NEMP1: variants seen among roughly 807,000 people sequenced by gnomAD.
The protein encoded by NEMP1 is transmembrane protein 194.
Under a neutral mutation model 53.7 loss-of-function variants are expected in NEMP1, and 29 were observed. That is an observed-to-expected ratio of 0.54 (90% CI 0.40 to 0.74). The LOEUF (loss-of-function observed/expected upper bound fraction) is 0.74, where lower values mean the gene tolerates loss of function less well. Ranked by LOEUF, NEMP1 falls within the 30% of genes least tolerant of loss-of-function variation. NEMP1 has a pLI of 0.00. For missense variants in NEMP1, 477 were observed against 528.6 expected (o/e 0.90, Z 0.96); for synonymous variants, 193 against 192.9 (o/e 1.00, Z 0.00).
At position 57,062,651 on chromosome 12, in the gene NEMP1, G is replaced by C. The variant is rs1236337951; in HGVS notation, c.980+468C>G. 3.3e-5 allele frequency among the ~76,000 whole-genome samples: 5 copies of C among 151,928 alleles called. No individual in the cohort carries two copies. The East Asian group carries it at 9.7e-4, about 29-fold the overall frequency. On this transcript the variant is annotated intron_variant, in intron 7 of 8. Coordinates refer to ENST00000300128, the MANE Select transcript of NEMP1 (RefSeq NM_001130963.2). ...CTGACATTTGAGGTCAGGAGTTCAA[G>C]ACCAGCCTGGTCAACATGGGGAACC... is the stretch of plus-strand genomic sequence containing the variant.
rs779985256 is a variant in NEMP1 at position 57,060,808 on chromosome 12, G to A, written c.1118C>T (p.Ala373Val). 1 of 1,613,676 alleles carries A rather than the reference G, an allele frequency of 6.2e-7. No individual in the cohort carries two copies. The highest frequency in any genetic ancestry group is 8.5e-7 in the Non-Finnish European group (1 of 1,179,860). Residue 373 changes from alanine (A) to valine (V), a missense_variant, in exon 8 of 9, where the codon GCT becomes GTT. By Grantham distance (64) the Ala-to-Val change is moderately conservative (BLOSUM62 0). Transcript: ENST00000300128. Reference protein sequence around the residue: ...REFCNSPDCSAWKTVSRIQSP... With the variant: ...REFCNSPDCSVWKTVSRIQSP... ...CTGGATTCGAGAAACAGTCTTCCAA[G>A]CAGAGCAGTCTGGACTGTTACAAAA...
intron 2 of NEMP1, among the ~76,000 whole-genome samples, chr12:57,072,418 C>T (rs1008215931): frequency 6.6e-6 from 1 of 151,506 alleles, no homozygotes; most frequent in Non-Finnish European, 1.5e-5. Flanking sequence ...CCAGCCTGGG[C>T]GACAGAGGGA....
intron 3 of NEMP1, 28 bp from the exon 4 acceptor site, chr12:57,069,334 T>A (rs2032241667): frequency 6.9e-7 from 1 of 1,458,002 alleles, no homozygotes; most frequent in Non-Finnish European, 9.3e-7. Flanking sequence ...TTTTGCTTAA[T>A]AAGGGAACAA....
chr12:57,087,424 C>T (rs1034044463), intron 1 of NEMP1, among the ~76,000 whole-genome samples: 4 of 151,010 alleles, frequency 2.6e-5, no homozygotes, highest in Non-Finnish European at 5.9e-5. Context: ...GGCTGGCAGC[C>T]CGGGATCCAA....
chr12:57,059,855 C>G lies in NEMP1; in HGVS notation c.*24G>C, dbSNP rs771115599. On this transcript the variant is annotated 3_prime_UTR_variant, in exon 9 of 9. Coordinates refer to ENST00000300128, the MANE Select transcript of NEMP1 (RefSeq NM_001130963.2). ...CATGGACCAAGGCACCAAGCCAGTC[C>G]ACGTAAAGATAACTGACCACTACCT... The G allele has an allele frequency of 5.0e-6, 8 of 1,606,428 alleles. No homozygotes were observed. The highest frequency in any genetic ancestry group is 5.1e-6 in the Non-Finnish European group (6 of 1,175,620).
At position 57,056,594 on chromosome 12, in the gene NEMP1, CACTACTCAATT is replaced by C. The variant is rs2031534980; in HGVS notation, c.*3274_*3284del. The C allele has an allele frequency of 6.6e-6, 1 of 152,158 alleles. No homozygotes were observed. Among genetic ancestry groups the C allele is most frequent in the Non-Finnish European group, 1.5e-5 (1 of 68,040 alleles). 9.4% of individuals were successfully genotyped at this position (152,158 alleles called of 1,614,324 possible). On this transcript the variant is annotated 3_prime_UTR_variant, in exon 9 of 9. Coordinates refer to ENST00000300128, the MANE Select transcript of NEMP1 (RefSeq NM_001130963.2). The stretch of plus-strand genomic sequence containing the variant: ...AATTTCCTTTCCTCCTCCTTCCTTT[CACTACTCAATT>C]CAAAGAAAAGTTATGAGTACACAGC...
rs1206326423 is a variant in NEMP1, at chr12:57,072,769, GAGGATT to G, written c.252+13_252+18del. ...AAATTTACAGAAGCTGCCACTGCCAGAGGATTCCAAGTTATTACCTGTATCCGTGTC... is the reference window on the plus strand; with the variant it reads ...AAATTTACAGAAGCTGCCACTGCCAGCCAAGTTATTACCTGTATCCGTGTC... On this transcript the variant is annotated intron_variant, in intron 2 of 8. Coordinates refer to ENST00000300128, the MANE Select transcript of NEMP1 (RefSeq NM_001130963.2). 1.3e-6 allele frequency: 2 copies of G among 1,576,540 alleles called. No individual in the cohort carries two copies.
intron 1 of NEMP1, among the ~76,000 whole-genome samples, chr12:57,073,412 G>A (rs1029707154): frequency 6.6e-6 from 1 of 152,040 alleles, no homozygotes; most frequent in African/African-American, 2.4e-5. Flanking sequence ...GGCTGAGGTG[G>A]GCGGATGACC....
intron 4 of NEMP1, among the ~76,000 whole-genome samples, 157 bp from the exon 5 acceptor site, chr12:57,064,896 C>T (rs2031998472): frequency 6.6e-6 from 1 of 152,164 alleles, no homozygotes; most frequent in Non-Finnish European, 1.5e-5. Flanking sequence ...CAGACCACTG[C>T]AATAAACCAA....
chr12:57,077,980 G>A (rs574167692), intron 1 of NEMP1, among the ~76,000 whole-genome samples: 46 of 152,196 alleles, frequency 3.0e-4, no homozygotes, highest in Non-Finnish European at 5.9e-4. Context: ...TACTCCGGAG[G>A]CTGAAGCAGG....
upstream of NEMP1, among the ~76,000 whole-genome samples, chr12:57,081,106 G>C (rs1412189682): frequency 2.0e-5 from 3 of 152,154 alleles, no homozygotes; most frequent in East Asian, 5.8e-4. Flanking sequence ...TTAACTCTGT[G>C]GTTTTCCTTC....
intron 4 of NEMP1, among the ~76,000 whole-genome samples, chr12:57,065,056 C>T (rs1313126967): frequency 6.6e-6 from 1 of 152,162 alleles, no homozygotes; most frequent in Non-Finnish European, 1.5e-5. Flanking sequence ...TTTGCTAAAA[C>T]CTGCTAAAGA....
chr12:57,067,956 A>C (rs2032168826), intron 4 of NEMP1, among the ~76,000 whole-genome samples: 1 of 151,852 alleles, frequency 6.6e-6, no homozygotes, highest in Non-Finnish European at 1.5e-5. Context: ...TTTTTTGTAG[A>C]GGCAGGGTCT....
At chr12:57,074,498 T>C (rs1244790912) in intron 1 of NEMP1, among the ~76,000 whole-genome samples, 1 of 151,186 alleles carries the variant, frequency 6.6e-6, no homozygotes, top group African/African-American at 2.4e-5. Context: ...AGAGATGGGG[T>C]TTCACCATGT....
At chr12:57,060,206 G>A in intron 8 of NEMP1, 147 bp from the exon 9 acceptor site, 1 of 743,786 alleles carries the variant, frequency 1.3e-6, no homozygotes, top group Non-Finnish European at 2.1e-6. Flanking sequence ...ACTCTGGCAG[G>A]TAAGTAGACT....
chr12:57,068,852 C>T (rs2032215514), intron 4 of NEMP1, among the ~76,000 whole-genome samples: 1 of 152,194 alleles, frequency 6.6e-6, no homozygotes, highest in African/African-American at 2.4e-5. Flanking sequence ...AGGCGTGAGC[C>T]ACCGTACCCA....
At chr12:57,075,006 C>T (rs2032534757) in intron 1 of NEMP1, among the ~76,000 whole-genome samples, 1 of 152,006 alleles carries the variant, frequency 6.6e-6, no homozygotes, top group African/African-American at 2.4e-5. Flanking sequence ...AGAAGAATCG[C>T]TTGAACCTGG....
chr12:57,085,251 C>T (rs1475009764), intron 1 of NEMP1, among the ~76,000 whole-genome samples: 9 of 152,184 alleles, frequency 5.9e-5, no homozygotes, highest in Admixed American at 5.9e-4. Context: ...GCCATCAAGG[C>T]TCACTGCAGC....
chr12:57,060,539 T>C (rs2031748150), intron 8 of NEMP1, among the ~76,000 whole-genome samples: 1 of 152,186 alleles, frequency 6.6e-6, no homozygotes, highest in Non-Finnish European at 1.5e-5. Flanking sequence ...AAACTTAATA[T>C]GGTACTGGAG....
Sources: gnomAD v4.1 joint callset for allele counts (sites outside exome capture counted in the v4.1 genomes callset) on GRCh38, gnomAD v4.1.1 for gene constraint, MANE v1.5 for transcripts, NCBI Gene and HGNC (gene_info 2026-07-23, HGNC 2026-07-21) for gene names.